The following SHISA6 variants were observed in gnomAD, a reference collection of about 807,000 sequenced individuals.
SHISA6 encodes shisa family member 6, also known as protein shisa-6.
A neutral mutation model predicts 47.9 loss-of-function variants in SHISA6; 22 were observed. The ratio of observed to expected loss-of-function variants is 0.46; its 90% CI spans 0.33 to 0.66. The LOEUF (loss-of-function observed/expected upper bound fraction) is 0.66. Ranked by LOEUF, SHISA6 falls within the 30% of genes least tolerant of loss-of-function variation. The pLI is 0.02. For missense variants in SHISA6, 680 were observed against 764.6 expected, an observed-to-expected ratio of 0.89 and a Z score of 1.30; for synonymous variants, 388 against 337.8, an observed-to-expected ratio of 1.15 and a Z score of -1.63.
chr17:11,432,003 A>G (rs957062194), intron 3 of SHISA6, among the ~76,000 whole-genome samples: 2 of 152,232 alleles, frequency 1.3e-5, no homozygotes, highest in Non-Finnish European at 2.9e-5. Flanking sequence ...AGTGCTCTTC[A>G]GGTACACTAG....
At chr17:11,278,700 C>T (rs1178519049) in intron 2 of SHISA6, among the ~76,000 whole-genome samples, 2 of 152,228 alleles carry the variant, frequency 1.3e-5, no homozygotes, top group African/African-American at 4.8e-5. Flanking sequence ...CCACATTTAT[C>T]CCTGCCCTGC....
chr17:11,539,612 T>C (rs1241622754), intron 3 of SHISA6, among the ~76,000 whole-genome samples: 1 of 152,238 alleles, frequency 6.6e-6, no homozygotes, highest in Non-Finnish European at 1.5e-5. Flanking sequence ...CAAGGGTGCA[T>C]GTGCTGCTTC....
At chr17:11,457,917 C>G (rs1195762195) in intron 3 of SHISA6, among the ~76,000 whole-genome samples, 3 of 151,772 alleles carry the variant, frequency 2.0e-5, no homozygotes, top group Admixed American at 1.3e-4. Flanking sequence ...AACCCCGTAT[C>G]TACTAAAAAT....
In SHISA6 at chr17:11,526,486, AC is replaced by A. The variant is rs1247930905; in HGVS notation, c.896-25409del. On this transcript the variant is annotated intron_variant, in intron 3 of 5. Coordinates refer to ENST00000441885, the MANE Select transcript of SHISA6 (RefSeq NM_207386.4). ...GTGGTCCCCAGAGCATCGCACTTGT[AC>A]TCTATGTAGCAGAGACAAAATCATT... Among the ~76,000 whole-genome samples the A allele has an allele frequency of 3.3e-5, 5 of 152,138 alleles. No homozygotes were observed. In the South Asian group the frequency reaches 1.0e-3, roughly 32 times the overall value.
Position 11,535,114 on chromosome 17 carries a change from C to T in SHISA6, c.896-16782C>T, listed in dbSNP as rs192820395. ...GCACCACTGCACTCCAGCCTGGCAACAAAGCGAGACTCCATCTCAAAAAAA... is the reference window on the plus strand; with the variant it reads ...GCACCACTGCACTCCAGCCTGGCAATAAAGCGAGACTCCATCTCAAAAAAA... On this transcript the variant is annotated intron_variant, in intron 3 of 5. Transcript: ENST00000441885. Among the ~76,000 whole-genome samples the T allele has an allele frequency of 3.5e-3, 528 of 152,066 alleles. 8 individuals carry two copies. The highest frequency in any genetic ancestry group is 0.012 in the African/African-American group (499 of 41,458).
At chr17:11,308,124 G>A (rs1910192301) in intron 2 of SHISA6, among the ~76,000 whole-genome samples, 2 of 152,180 alleles carry the variant, frequency 1.3e-5, no homozygotes, top group African/African-American at 4.8e-5. Flanking sequence ...GGGTTAGGGG[G>A]CCTTTAGAAA....
chr17:11,292,306 G>A lies in SHISA6; in HGVS notation c.799+28780G>A, dbSNP rs1332773109. On this transcript the variant is annotated intron_variant, in intron 2 of 5. Transcript: ENST00000441885. ...CCCCTTTCCCCCTACTCTGCAACAG[G>A]CCCTGGTGTGTGATGTTCTGCTCCC... 3.9e-5 allele frequency among the ~76,000 whole-genome samples: 6 copies of A among 151,934 alleles called. No homozygotes were observed. In the East Asian group the frequency reaches 1.2e-3, roughly 29 times the overall value.
chr17:11,385,983 G>T (rs1440848896), intron 3 of SHISA6, among the ~76,000 whole-genome samples: 1 of 152,052 alleles, frequency 6.6e-6, no homozygotes, highest in Non-Finnish European at 1.5e-5. Context: ...CAGTTTGGGG[G>T]TGGGAGGGGG....
intron 2 of SHISA6, among the ~76,000 whole-genome samples, chr17:11,302,304 T>C (rs1205601496): frequency 6.6e-6 from 1 of 152,122 alleles, no homozygotes; most frequent in African/African-American, 2.4e-5. Context: ...GAGAGTGAAA[T>C]AGACCACAAA....
chr17:11,350,178 ATTTATTTTTTTT>A (rs1375117005), intron 2 of SHISA6, among the ~76,000 whole-genome samples: 2 of 101,148 alleles, frequency 2.0e-5, no homozygotes, highest in Non-Finnish European at 4.0e-5. Flanking sequence ...TTATTTATTT[ATTTATTTTTTTT>A]TTTTTTTGAG....
At chr17:11,452,078 C>A (rs570772984) in intron 3 of SHISA6, among the ~76,000 whole-genome samples, 1 of 152,188 alleles carries the variant, frequency 6.6e-6, no homozygotes, top group Non-Finnish European at 1.5e-5. Flanking sequence ...GGAGACAGGA[C>A]CACGGACATG....
rs1908311095 is a variant in SHISA6, at chr17:11,263,410, C to T, written c.683C>T (p.Ala228Val). 6.4e-7 allele frequency: 1 copy of T among 1,552,132 alleles called. No individual in the cohort carries two copies. Among genetic ancestry groups the T allele is most frequent in the Non-Finnish European group, 8.7e-7 (1 of 1,147,096 alleles). ...AGACAACAGGGACCAATCCCCATAG[C>T]ACACTGTGAAAGAGAAACTATCTCG... is the stretch of plus-strand genomic sequence containing the variant. Reference protein sequence around the residue: ...ILRQQGPIPIAHCERETISAI... With the variant: ...ILRQQGPIPIVHCERETISAI... The change falls in exon 2 of 6, where the codon GCA becomes GTA. Residue 228 changes from alanine to valine, a missense_variant. By Grantham distance (64) the Ala-to-Val change is moderately conservative (BLOSUM62 0). Around this residue, in one of 2 missense-constraint regions of SHISA6, gnomAD observed 559 missense variants for 674.1 expected, o/e 0.83. Transcript: ENST00000441885.
intron 3 of SHISA6, among the ~76,000 whole-genome samples, chr17:11,509,874 C>T (rs1055991707): frequency 6.6e-6 from 1 of 152,158 alleles, no homozygotes; most frequent in African/African-American, 2.4e-5. Context: ...CAAGGAGGAA[C>T]ATCTATGGTC....
chr17:11,266,711 T>A (rs1009128937), intron 2 of SHISA6, among the ~76,000 whole-genome samples: 8 of 152,150 alleles, frequency 5.3e-5, no homozygotes, highest in Admixed American at 1.3e-4. Context: ...CCACAGCTCA[T>A]GGAAAATGAA....
intron 3 of SHISA6, among the ~76,000 whole-genome samples, chr17:11,503,996 A>T (rs1228329361): frequency 1.3e-5 from 2 of 152,236 alleles, no homozygotes; most frequent in East Asian, 3.8e-4. Context: ...AAATAACACA[A>T]TGCCTTCTGG....
At chr17:11,431,905 G>T (rs957456631) in intron 3 of SHISA6, among the ~76,000 whole-genome samples, 1 of 152,168 alleles carries the variant, frequency 6.6e-6, no homozygotes, top group African/African-American at 2.4e-5. Flanking sequence ...GCTAAGAAAA[G>T]TTGAAACATC....
chr17:11,362,012 C>T (rs150192839), intron 2 of SHISA6, among the ~76,000 whole-genome samples: 36 of 152,228 alleles, frequency 2.4e-4, no homozygotes, highest in Non-Finnish European at 3.8e-4. Context: ...TTTGATCAAC[C>T]GAGGGGTTTT....
At chr17:11,289,586 A>G (rs981512441) in intron 2 of SHISA6, 2 of 70,354 alleles carry the variant, frequency 2.8e-5, no homozygotes, top group African/African-American at 7.6e-5. Context: ...AAATATATAT[A>G]TATGTATATA....
chr17:11,439,414 T>G (rs1438360597), intron 3 of SHISA6, among the ~76,000 whole-genome samples: 1 of 152,104 alleles, frequency 6.6e-6, no homozygotes, highest in African/African-American at 2.4e-5. Flanking sequence ...ATAGTAACAT[T>G]GGAAAGCCTT....
Sources: gnomAD v4.1 joint callset for allele counts (sites outside exome capture counted in the v4.1 genomes callset) on GRCh38, gnomAD v4.1.1 for gene constraint, gnomAD v4.1.1 regional missense constraint, MANE v1.5 for transcripts, NCBI Gene and HGNC (gene_info 2026-07-23, HGNC 2026-07-21) for gene names.